MRS2: variants seen among roughly 807,000 people sequenced by gnomAD.
MRS2 encodes the protein magnesium transporter MRS2.
A neutral mutation model predicts 52.6 loss-of-function variants in MRS2; 40 were observed. The observed-to-expected ratio is 0.76, with a 90% CI of 0.59 to 0.99. The LOEUF is 0.99. Ranked by LOEUF, MRS2 falls within the 50% of genes least tolerant of loss-of-function variation. The pLI, the probability that MRS2 is intolerant of heterozygous loss-of-function variation, is 0.00. For synonymous variants in MRS2, 193 were observed against 195.9 expected (o/e 0.98, Z 0.13); for missense variants, 472 against 532.7 (o/e 0.89, Z 1.12).
chr6:24,412,446 C>A, intron 5 of MRS2, 51 bp downstream of exon 5: 1 of 1,389,362 alleles, frequency 7.2e-7, no homozygotes, highest in South Asian at 1.5e-5. Flanking sequence ...TTTGAAATGT[C>A]ATTGAGTGGG....
At chr6:24,419,385 T>C (rs959680027) in intron 9 of MRS2, 4 of 152,198 alleles carry the variant, frequency 2.6e-5, no homozygotes, top group African/African-American at 4.8e-5. Flanking sequence ...TCCCAAAACA[T>C]ATAATTACAG....
intron 4 of MRS2, chr6:24,410,920 G>A (rs2127287068): frequency 1.9e-6 from 1 of 535,682 alleles, no homozygotes; most frequent in South Asian, 2.6e-5. Flanking sequence ...AGGTTGTGGT[G>A]GCTCACATCT....
chr6:24,422,261 C>T (rs1031955086), intron 9 of MRS2, among the ~76,000 whole-genome samples: 1 of 152,336 alleles, frequency 6.6e-6, no homozygotes, highest in South Asian at 2.1e-4. Flanking sequence ...AGCTCTCAAT[C>T]ATTGGAGCCA....
chr6:24,403,088 G>A lies in MRS2; in HGVS notation c.42G>A (p.Ala14=). Residue 14 remains alanine (A), a synonymous_variant, in exon 1 of 11, where the codon GCG becomes GCA. Coordinates refer to ENST00000378386, the MANE Select transcript of MRS2 (RefSeq NM_020662.4). ...LRSLPCLLPR[A]MRLPRRTLCA... Reference sequence around the variant, plus strand: ...GTTTACCCTGCCTCCTGCCCCGCGCGATGAGACTTCCCCGGCGGACGCTGT... The same window carrying A: ...GTTTACCCTGCCTCCTGCCCCGCGCAATGAGACTTCCCCGGCGGACGCTGT... 1 of 1,612,180 alleles carries A rather than the reference G, an allele frequency of 6.2e-7. No individual in the cohort carries two copies. Among genetic ancestry groups the A allele is most frequent in the East Asian group, 2.2e-5 (1 of 44,788 alleles).
intron 9 of MRS2, among the ~76,000 whole-genome samples, chr6:24,419,784 T>C (rs1761980703): frequency 6.6e-6 from 1 of 152,180 alleles, no homozygotes; most frequent in Non-Finnish European, 1.5e-5. Context: ...GATACCAAAG[T>C]CTGTGGGTAT....
At chr6:24,410,872 A>G in intron 4 of MRS2, 1 of 778,074 alleles carries the variant, frequency 1.3e-6, no homozygotes, top group Non-Finnish European at 2.1e-6. Context: ...GTTCACTGCA[A>G]TCTTTCAACT....
chr6:24,422,868 G>C, intron 9 of MRS2, 69 bp from the exon 10 acceptor site: 1 of 1,058,048 alleles, frequency 9.5e-7, no homozygotes, highest in African/African-American at 1.6e-5. Context: ...CTCTGGGGCA[G>C]TAACAATTCA....
intron 5 of MRS2, among the ~76,000 whole-genome samples, chr6:24,413,327 C>A (rs1257847088): frequency 6.6e-6 from 1 of 152,044 alleles, no homozygotes; most frequent in African/African-American, 2.4e-5. Context: ...AGAGGGAGTT[C>A]AGGATGTCTG....
At chr6:24,412,907 T>A (rs1322828705) in intron 5 of MRS2, among the ~76,000 whole-genome samples, 1 of 152,166 alleles carries the variant, frequency 6.6e-6, no homozygotes, top group Non-Finnish European at 1.5e-5. Context: ...AGGAACTGGC[T>A]ACATGCAAGA....
At chr6:24,409,995 A>G (rs897138091) in intron 4 of MRS2, among the ~76,000 whole-genome samples, 2 of 151,014 alleles carry the variant, frequency 1.3e-5, no homozygotes, top group Non-Finnish European at 2.9e-5. Context: ...TTATAGCCTT[A>G]ATTTTTTTTT....
chr6:24,422,055 C>T (rs1324222270), intron 9 of MRS2, among the ~76,000 whole-genome samples: 2 of 152,136 alleles, frequency 1.3e-5, no homozygotes, highest in Non-Finnish European at 2.9e-5. Context: ...GGGGCCGAGG[C>T]ACAAGAATCG....
intron 1 of MRS2, among the ~76,000 whole-genome samples, chr6:24,404,420 A>G (rs554249154): frequency 7.6e-4 from 116 of 152,344 alleles, no homozygotes; most frequent in African/African-American, 2.7e-3. Context: ...GATACTAACA[A>G]ATTACAACAA....
At chr6:24,408,567 T>G (rs1761551234) in intron 3 of MRS2, 123 bp downstream of exon 3, 2 of 692,490 alleles carry the variant, frequency 2.9e-6, no homozygotes, top group Admixed American at 4.9e-5. Context: ...GAAAGAGATC[T>G]TTCTTCAGCA....
At chr6:24,403,317 C>A (rs1250668954) in intron 1 of MRS2, 81 bp downstream of exon 1, 2 of 1,354,322 alleles carry the variant, frequency 1.5e-6, no homozygotes, top group African/African-American at 1.5e-5. Context: ...TCCGGCGCGG[C>A]GCGCCTGTTG....
chr6:24,414,391 G>A (rs1221036676), intron 5 of MRS2, among the ~76,000 whole-genome samples: 3 of 151,872 alleles, frequency 2.0e-5, no homozygotes, highest in Non-Finnish European at 4.4e-5. Flanking sequence ...GTTTAACAAA[G>A]CACATCTTGC....
intron 4 of MRS2, 46 bp from the exon 5 acceptor site, chr6:24,412,176 T>G: frequency 8.0e-7 from 1 of 1,252,304 alleles, no homozygotes; most frequent in East Asian, 2.4e-5. Context: ...CATGTGTGTA[T>G]ATACACTCAC....
rs763517164 is a variant in MRS2 at position 24,403,241 on chromosome 6, T to C, written c.190+5T>C. On this transcript the variant is annotated splice_donor_5th_base_variant and intron_variant, in intron 1 of 10. Transcript: ENST00000378386. ...CCGACCGGCTCCGCGTGGCAGGTAC[T>C]GCCCTTCCCCGGCAACAGCCTTGGG... 2 of 1,589,368 alleles carry C rather than the reference T, an allele frequency of 1.3e-6. No individual in the cohort carries two copies. The highest frequency in any genetic ancestry group is 8.5e-7 in the Non-Finnish European group (1 of 1,175,640).
In MRS2 at chr6:24,422,057, C is replaced by T. The variant is rs369677713; in HGVS notation, c.1108-880C>T. Among the ~76,000 whole-genome samples the T allele has an allele frequency of 8.5e-5, 13 of 152,234 alleles. 1 individual carries two copies. The South Asian group carries it at 2.5e-3, about 29-fold the overall frequency. On this transcript the variant is annotated intron_variant, in intron 9 of 10. Coordinates refer to ENST00000378386, the MANE Select transcript of MRS2 (RefSeq NM_020662.4). ...CCAGCTACTCAGGGGGGCCGAGGCA[C>T]AAGAATCGCTTGAATCAGGTAGACG...
At chr6:24,419,485 C>A (rs1228311620) in intron 9 of MRS2, among the ~76,000 whole-genome samples, 1 of 152,084 alleles carries the variant, frequency 6.6e-6, no homozygotes, top group African/African-American at 2.4e-5. Context: ...GGCAACGTAC[C>A]AGGCGGTTTG....
Sources: allele counts gnomAD v4.1 joint callset (sites outside exome capture counted in the v4.1 genomes callset), GRCh38; gene constraint gnomAD v4.1.1; transcripts MANE v1.5; gene names NCBI Gene and HGNC (gene_info 2026-07-23, HGNC 2026-07-21).